The following STX7 variants were observed in gnomAD, a reference collection of about 807,000 sequenced individuals.
STX7 encodes syntaxin 7, also known as syntaxin-7.
STX7 carries 34 observed loss-of-function variants against 39.6 expected under a neutral mutation model. The ratio of observed to expected loss-of-function variants is 0.86; its 90% CI spans 0.65 to 1.14. The LOEUF (loss-of-function observed/expected upper bound fraction) is 1.14, where lower values mean the gene tolerates loss of function less well. Ranked by LOEUF, STX7 falls within the 50% of genes most tolerant of loss-of-function variation. STX7 has a pLI of 0.00. For missense variants in STX7, 284 were observed against 310.4 expected (o/e 0.92, Z 0.64); for synonymous variants, 119 against 99.1 (o/e 1.20, Z -1.19).
intron 2 of STX7, among the ~76,000 whole-genome samples, chr6:132,482,759 A>C (rs1775043394): frequency 6.6e-6 from 1 of 152,144 alleles, no homozygotes; most frequent in Non-Finnish European, 1.5e-5. Flanking sequence ...GATCACAAGG[A>C]TCCTTCTTCC....
At chr6:132,492,478 C>G (rs73776253) in intron 2 of STX7, among the ~76,000 whole-genome samples, 1 of 152,066 alleles carries the variant, frequency 6.6e-6, no homozygotes, top group Non-Finnish European at 1.5e-5. Context: ...TTATTTTATT[C>G]GCTGACATAG....
intron 2 of STX7, among the ~76,000 whole-genome samples, chr6:132,478,702 C>T: frequency 6.6e-6 from 1 of 152,338 alleles, no homozygotes; most frequent in East Asian, 1.9e-4. Flanking sequence ...TCCAACTGCA[C>T]TGTTCCTCAA....
At chr6:132,502,348 T>G (rs906011013) in intron 2 of STX7, among the ~76,000 whole-genome samples, 21 of 152,098 alleles carry the variant, frequency 1.4e-4, no homozygotes, top group African/African-American at 5.1e-4. Flanking sequence ...TAAAACTATA[T>G]TAACATACTC....
intron 5 of STX7, 105 bp downstream of exon 5, chr6:132,471,358 T>C (rs930722643): frequency 8.0e-6 from 10 of 1,254,378 alleles, no homozygotes; most frequent in Non-Finnish European, 1.1e-5. Flanking sequence ...ATTTCCAAGA[T>C]ATTCACAGAT....
intron 3 of STX7, among the ~76,000 whole-genome samples, chr6:132,472,616 G>T (rs968011862): frequency 6.6e-6 from 1 of 152,188 alleles, no homozygotes; most frequent in Non-Finnish European, 1.5e-5. Flanking sequence ...TCAATTCAAC[G>T]GCCATTTAGA....
chr6:132,492,409 T>C (rs1399328342), intron 2 of STX7, among the ~76,000 whole-genome samples: 1 of 152,244 alleles, frequency 6.6e-6, no homozygotes, highest in Non-Finnish European at 1.5e-5. Context: ...CATAATTTAC[T>C]TATTTATTTT....
chr6:132,495,332 C>G (rs1046841072), intron 2 of STX7, among the ~76,000 whole-genome samples: 14 of 152,120 alleles, frequency 9.2e-5, no homozygotes, highest in Non-Finnish European at 2.1e-4. Context: ...TATGTTAGCA[C>G]CTTAGGCATG....
rs1582634541 is a variant in STX7, at chr6:132,446,581, A to C, written c.*14177T>G. On this transcript the variant is annotated 3_prime_UTR_variant, in exon 10 of 10. Coordinates refer to ENST00000367941, the MANE Select transcript of STX7 (RefSeq NM_003569.3). Reference sequence around the variant, plus strand: ...AAGATTTTGCTTTTTCTCAGGGCCCAGCATTTATTAAGCACTCAGCAAATG... The same window carrying C: ...AAGATTTTGCTTTTTCTCAGGGCCCCGCATTTATTAAGCACTCAGCAAATG... 1.3e-5 allele frequency: 2 copies of C among 152,158 alleles called. No homozygotes were observed. The highest frequency in any genetic ancestry group is 2.9e-5 in the Non-Finnish European group (2 of 68,018). 9.4% of individuals were successfully genotyped at this position (152,158 alleles called of 1,614,324 possible).
chr6:132,489,338 T>A (rs935096088), intron 2 of STX7, among the ~76,000 whole-genome samples: 1 of 152,090 alleles, frequency 6.6e-6, no homozygotes, highest in African/African-American at 2.4e-5. Flanking sequence ...CCAGGTTCGT[T>A]ATAGGGTACA....
Position 132,452,969 on chromosome 6 carries a change from A to C in STX7, c.*7789T>G, listed in dbSNP as rs1774164505. On this transcript the variant is annotated 3_prime_UTR_variant, in exon 10 of 10. Coordinates refer to ENST00000367941, the MANE Select transcript of STX7 (RefSeq NM_003569.3). The stretch of plus-strand genomic sequence containing the variant: ...GAATAAACCAGCCTATTTGATTTCA[A>C]GACTTACTACAGTAATCAAGATTTT... 6.6e-6 allele frequency: 1 copy of C among 152,164 alleles called. No individual in the cohort carries two copies. Among genetic ancestry groups the C allele is most frequent in the African/African-American group, 2.4e-5 (1 of 41,468 alleles). 9.4% of individuals were successfully genotyped at this position (152,164 alleles called of 1,614,324 possible).
chr6:132,465,016 G>C (rs1363082382), intron 8 of STX7, among the ~76,000 whole-genome samples: 5 of 151,996 alleles, frequency 3.3e-5, no homozygotes, highest in Admixed American at 2.6e-4. Context: ...TCTATCAATC[G>C]CATGGCCTTT....
intron 1 of STX7, among the ~76,000 whole-genome samples, chr6:132,508,762 T>G (rs527606382): frequency 6.6e-6 from 1 of 152,258 alleles, no homozygotes; most frequent in East Asian, 1.9e-4. Flanking sequence ...TCCTCCAGTC[T>G]CAGCCTCCCA....
intron 1 of STX7, among the ~76,000 whole-genome samples, chr6:132,506,021 TG>T (rs1318703412): frequency 7.9e-5 from 12 of 151,806 alleles, no homozygotes; most frequent in African/African-American, 2.7e-4. Flanking sequence ...TACATGGTGC[TG>T]GGAAAATTGG....
At chr6:132,469,885 T>C in intron 7 of STX7, 66 bp downstream of exon 7, 3 of 1,335,666 alleles carry the variant, frequency 2.2e-6, no homozygotes, top group Non-Finnish European at 3.1e-6. Context: ...CAGCATTACC[T>C]AAGCATCTTG....
At chr6:132,476,900 G>C (rs1774889615) in intron 2 of STX7, among the ~76,000 whole-genome samples, 3 of 151,978 alleles carry the variant, frequency 2.0e-5, no homozygotes, top group Admixed American at 6.5e-5. Context: ...GAAATAAGCT[G>C]AAAATCCAAA....
chr6:132,495,555 T>A (rs1346528851), intron 2 of STX7, among the ~76,000 whole-genome samples: 2 of 152,112 alleles, frequency 1.3e-5, no homozygotes, highest in Admixed American at 1.3e-4. Flanking sequence ...AAAGGAAACA[T>A]TCTTAATTCC....
At chr6:132,468,584 T>C in intron 7 of STX7, 109 bp from the exon 8 acceptor site, 1 of 648,166 alleles carries the variant, frequency 1.5e-6, no homozygotes, top group Non-Finnish European at 2.7e-6. Context: ...TGAGCATGCA[T>C]CTATAATACA....
chr6:132,459,994 C>T lies in STX7; in HGVS notation c.*764G>A, dbSNP rs1382504573. 1 of 152,048 alleles carries T rather than the reference C, an allele frequency of 6.6e-6. No homozygotes were observed. Among genetic ancestry groups the T allele is most frequent in the Admixed American group, 6.5e-5 (1 of 15,276 alleles). The allele number at this position is 152,048 out of a possible 1,614,324, so 9.4% of individuals were successfully genotyped here. A position where few individuals can be genotyped will look rare whatever the true frequency, so the allele number is the denominator to read the frequency against. Reference sequence around the variant, plus strand: ...CAAACTGGGGTCTTAAGAATCCAAACGCAATAGGTATTGGTATTGGTTGTT... The same window carrying T: ...CAAACTGGGGTCTTAAGAATCCAAATGCAATAGGTATTGGTATTGGTTGTT... On this transcript the variant is annotated 3_prime_UTR_variant, in exon 10 of 10. Transcript: ENST00000367941.
chr6:132,460,707 C>A lies in STX7; in HGVS notation c.*51G>T, dbSNP rs1407152164. The A allele has an allele frequency of 2.3e-6, 3 of 1,311,152 alleles. No homozygotes were observed. The African/African-American group carries it at 4.5e-5, about 19-fold the overall frequency. The allele number at this position is 1,311,152 out of a possible 1,614,324, so 81.2% of individuals were successfully genotyped here. A position where few individuals can be genotyped will look rare whatever the true frequency, so the allele number is the denominator to read the frequency against. ...ATTAAAAAAACATGATTACAGGAAT[C>A]TTCCTACATAATTTAGACAATGTAG... On this transcript the variant is annotated 3_prime_UTR_variant, in exon 10 of 10. Transcript: ENST00000367941.
Sources: allele counts gnomAD v4.1 joint callset (sites outside exome capture counted in the v4.1 genomes callset), GRCh38; gene constraint gnomAD v4.1.1; transcripts MANE v1.5; gene names NCBI Gene and HGNC (gene_info 2026-07-23, HGNC 2026-07-21).